HMBOX1: variants seen among roughly 807,000 people sequenced by gnomAD.
HMBOX1 encodes the protein homeobox-containing protein 1.
In HMBOX1, 14 loss-of-function variants were observed where a neutral mutation model predicts 54.5. The observed-to-expected ratio is 0.26, with a 90% CI of 0.17 to 0.40. The LOEUF is 0.40. HMBOX1 is among the 10% of genes least tolerant of loss of function. The pLI is 1.00. For synonymous variants in HMBOX1, 160 were observed against 181.0 expected (o/e 0.88, Z 0.93); for missense variants, 332 against 514.4 (o/e 0.65, Z 3.43).
chr8:28,982,854 G>A (rs1323463186), intron 4 of HMBOX1, among the ~76,000 whole-genome samples: 1 of 152,024 alleles, frequency 6.6e-6, no homozygotes, highest in Non-Finnish European at 1.5e-5. Context: ...GAACTCCTGA[G>A]CTCAGGTGAT....
chr8:28,933,949 A>G (rs28815906), intron 1 of HMBOX1, among the ~76,000 whole-genome samples: 3,520 of 152,318 alleles, frequency 0.023, 124 homozygotes, highest in African/African-American at 0.08. Flanking sequence ...AACAGAAGAG[A>G]AAGGTAACAC....
At chr8:29,009,234 G>A (rs1472608797) in intron 5 of HMBOX1, 52 bp downstream of exon 5, 2 of 1,412,644 alleles carry the variant, frequency 1.4e-6, no homozygotes, top group Non-Finnish European at 2.0e-6. Flanking sequence ...CAGATATAAT[G>A]AATTACTTTA....
chr8:29,016,113 T>C (rs528786814), intron 5 of HMBOX1, among the ~76,000 whole-genome samples: 1 of 152,334 alleles, frequency 6.6e-6, no homozygotes, highest in African/African-American at 2.4e-5. Flanking sequence ...CTCAGTGATA[T>C]TCAAGCCCAT....
At chr8:29,036,998 T>C (rs1200531903) in intron 6 of HMBOX1, among the ~76,000 whole-genome samples, 1 of 152,224 alleles carries the variant, frequency 6.6e-6, no homozygotes, top group Non-Finnish European at 1.5e-5. Flanking sequence ...AAGAATTCAC[T>C]TTCTCATGTG....
intron 4 of HMBOX1, among the ~76,000 whole-genome samples, chr8:28,988,214 G>A (rs1249871430): frequency 6.6e-6 from 1 of 152,082 alleles, no homozygotes; most frequent in Non-Finnish European, 1.5e-5. Flanking sequence ...CTTTCATTTA[G>A]CATGATGCTT....
At chr8:28,919,437 G>C (rs1394928788) in intron 1 of HMBOX1, among the ~76,000 whole-genome samples, 1 of 152,052 alleles carries the variant, frequency 6.6e-6, no homozygotes, top group Admixed American at 6.5e-5. Context: ...ATATTTTCTG[G>C]AAGAAATTGA....
At chr8:28,955,861 G>A (rs554079180) in intron 1 of HMBOX1, 1 of 151,360 alleles carries the variant, frequency 6.6e-6, no homozygotes, top group East Asian at 2.0e-4. Context: ...GCTGAGGCAG[G>A]AGAATCGCTT....
At chr8:29,023,312 T>G (rs896816120) in intron 6 of HMBOX1, among the ~76,000 whole-genome samples, 2 of 152,176 alleles carry the variant, frequency 1.3e-5, no homozygotes, top group African/African-American at 4.8e-5. Flanking sequence ...TGAGATACAA[T>G]TCATCTATTT....
chr8:28,952,508 A>G (rs1823657090), intron 1 of HMBOX1, among the ~76,000 whole-genome samples: 1 of 152,216 alleles, frequency 6.6e-6, no homozygotes, highest in Non-Finnish European at 1.5e-5. Flanking sequence ...TGCTGGGATT[A>G]CAGGCATTAG....
intron 1 of HMBOX1, among the ~76,000 whole-genome samples, chr8:28,905,373 G>A (rs558274318): frequency 1.4e-3 from 210 of 151,674 alleles, no homozygotes; most frequent in Middle Eastern, 3.4e-3. Flanking sequence ...ACACACACAC[G>A]CAGAGAGAGA....
At chr8:28,901,872 C>T (rs1332857770) in intron 1 of HMBOX1, among the ~76,000 whole-genome samples, 1 of 152,046 alleles carries the variant, frequency 6.6e-6, no homozygotes, top group African/African-American at 2.4e-5. Flanking sequence ...CATTTGCTAC[C>T]TTACCCACTT....
intron 4 of HMBOX1, among the ~76,000 whole-genome samples, chr8:28,998,912 G>A (rs1832240692): frequency 6.6e-6 from 1 of 151,938 alleles, no homozygotes; most frequent in South Asian, 2.1e-4. Context: ...CCTATAATAG[G>A]TTAATTTTTG....
intron 6 of HMBOX1, among the ~76,000 whole-genome samples, chr8:29,038,442 C>T (rs902441489): frequency 1.3e-5 from 2 of 152,060 alleles, no homozygotes; most frequent in Non-Finnish European, 2.9e-5. Context: ...ATGTTTAGGG[C>T]TATATACATT....
chr8:28,992,083 A>G (rs866574196), intron 4 of HMBOX1, among the ~76,000 whole-genome samples: 1 of 152,166 alleles, frequency 6.6e-6, no homozygotes, highest in African/African-American at 2.4e-5. Context: ...TTACATAGCA[A>G]TTTGGTATAT....
At chr8:29,048,850 TA>T in intron 8 of HMBOX1, 103 bp from the exon 9 acceptor site, 1 of 761,820 alleles carries the variant, frequency 1.3e-6, no homozygotes, top group Non-Finnish European at 2.2e-6. Flanking sequence ...GGTTCTTGTT[TA>T]ATTACATTCT....
chr8:28,985,543 CTTACCTGTA>C (rs1830036078), intron 4 of HMBOX1, among the ~76,000 whole-genome samples: 1 of 152,184 alleles, frequency 6.6e-6, no homozygotes, highest in Non-Finnish European at 1.5e-5. Flanking sequence ...AGATGTGCAT[CTTACCTGTA>C]CCTAGTGATT....
At chr8:29,024,403 A>G (rs895193188) in intron 6 of HMBOX1, among the ~76,000 whole-genome samples, 1 of 152,202 alleles carries the variant, frequency 6.6e-6, no homozygotes, top group African/African-American at 2.4e-5. Flanking sequence ...GTGGTTAATT[A>G]TACCGTAAGT....
intron 5 of HMBOX1, among the ~76,000 whole-genome samples, chr8:29,010,554 CA>C (rs1013903259): frequency 1.9e-4 from 27 of 145,772 alleles, no homozygotes; most frequent in South Asian, 2.2e-4. Flanking sequence ...AGACCTGTCT[CA>C]AAAAAAAAAT....
intron 1 of HMBOX1, among the ~76,000 whole-genome samples, chr8:28,949,138 A>G (rs1822975158): frequency 6.6e-6 from 1 of 152,198 alleles, no homozygotes; most frequent in African/African-American, 2.4e-5. Flanking sequence ...CCTTTTTTGA[A>G]TAATAGTTAC....
Sources: allele counts gnomAD v4.1 joint callset (sites outside exome capture counted in the v4.1 genomes callset), GRCh38; gene constraint gnomAD v4.1.1; transcripts MANE v1.5; gene names NCBI Gene and HGNC (gene_info 2026-07-23, HGNC 2026-07-21).